Variants in SDK1 observed in about 807,000 individuals in gnomAD.
SDK1 encodes protein sidekick-1.
SDK1 carries 157 observed loss-of-function variants against 245.5 expected under a neutral mutation model. That is an observed-to-expected ratio of 0.64 (90% CI 0.56 to 0.73). SDK1 has a LOEUF of 0.73. SDK1 is among the 30% of genes least tolerant of loss of function. The pLI is 0.00. For missense variants in SDK1, 3,583 were observed against 3,002.3 expected (o/e 1.19, Z -4.52); for synonymous variants, 1,647 against 1,278.5 (o/e 1.29, Z -6.15).
chr7:3,720,826 C>G lies in SDK1; in HGVS notation c.713+78721C>G, dbSNP rs139226868. Among the ~76,000 whole-genome samples, 22 of 152,202 alleles carry G rather than the reference C, an allele frequency of 1.4e-4. No individual in the cohort carries two copies. The East Asian group carries it at 4.2e-3, about 29-fold the overall frequency. ...TTCTAGCACCATTGTTTGTAATAGC[C>G]CAAACCTAGGAAAAGTTCAAATATC... On this transcript the variant is annotated intron_variant, in intron 4 of 44. Transcript: ENST00000404826.
chr7:3,787,552 C>G (rs1190551631), intron 4 of SDK1, among the ~76,000 whole-genome samples: 2 of 152,068 alleles, frequency 1.3e-5, no homozygotes, highest in Non-Finnish European at 2.9e-5. Flanking sequence ...AAAAAAATCC[C>G]TTCTCCTCAA....
intron 4 of SDK1, among the ~76,000 whole-genome samples, chr7:3,767,423 G>T (rs538858452): frequency 6.6e-6 from 1 of 152,174 alleles, no homozygotes; most frequent in East Asian, 1.9e-4. Flanking sequence ...GGATGAGACA[G>T]TTTACAGTGT....
intron 23 of SDK1, among the ~76,000 whole-genome samples, chr7:4,112,542 A>T (rs1199878647): frequency 6.6e-6 from 1 of 152,148 alleles, no homozygotes; most frequent in African/African-American, 2.4e-5. Context: ...TGGTAGTGAC[A>T]TCCTGATATT....
At position 3,974,406 on chromosome 7, in the gene SDK1, T is replaced by C. The variant is rs766604504; in HGVS notation, c.1855T>C (p.Ser619Pro). ...GAAGGACAACGTGGCCCTGACTCCATCGAGCACGTCTAGGATCGTGGTGGA... is the reference window on the plus strand; with the variant it reads ...GAAGGACAACGTGGCCCTGACTCCACCGAGCACGTCTAGGATCGTGGTGGA... Reference protein sequence around the residue: ...WKKDNVALTPSSTSRIVVEKD... With the variant: ...WKKDNVALTPPSTSRIVVEKD... Residue 619 changes from serine (S) to proline (P), a missense_variant, in exon 13 of 45, where the codon TCG (serine) becomes CCG (proline). Transcript: ENST00000404826. 1 of 1,614,050 alleles carries C rather than the reference T, an allele frequency of 6.2e-7. No individual in the cohort carries two copies. Among genetic ancestry groups the C allele is most frequent in the Non-Finnish European group, 8.5e-7 (1 of 1,179,962 alleles).
At chr7:3,523,769 A>G (rs1783024338) in intron 1 of SDK1, among the ~76,000 whole-genome samples, 1 of 152,168 alleles carries the variant, frequency 6.6e-6, no homozygotes, top group Non-Finnish European at 1.5e-5. Flanking sequence ...TTAAGTAACA[A>G]ATATTAAGGT....
chr7:3,387,640 G>C (rs1781642034), intron 1 of SDK1, among the ~76,000 whole-genome samples: 1 of 152,132 alleles, frequency 6.6e-6, no homozygotes, highest in Admixed American at 6.5e-5. Flanking sequence ...GAGTTCTGGG[G>C]ATGTATAGTG....
At chr7:4,077,963 G>T (rs955528157) in intron 21 of SDK1, among the ~76,000 whole-genome samples, 1 of 152,164 alleles carries the variant, frequency 6.6e-6, no homozygotes, top group African/African-American at 2.4e-5. Context: ...GCACATCTGG[G>T]TGCAAGTTAC....
intron 1 of SDK1, among the ~76,000 whole-genome samples, chr7:3,518,779 G>C (rs143563278): frequency 6.6e-6 from 1 of 152,030 alleles, no homozygotes; most frequent in African/African-American, 2.4e-5. Context: ...AGCTCCTCCA[G>C]CAATCCCACT....
chr7:3,725,121 A>G lies in SDK1; in HGVS notation c.713+83016A>G, dbSNP rs936668372. Among the ~76,000 whole-genome samples the G allele has an allele frequency of 9.8e-5, 15 of 152,318 alleles. No homozygotes were observed. In the South Asian group the frequency reaches 1.2e-3, roughly 13 times the overall value. On this transcript the variant is annotated intron_variant, in intron 4 of 44. Coordinates refer to ENST00000404826, the MANE Select transcript of SDK1 (RefSeq NM_152744.4). ...ACAGAGCTGAATCCTTTTTCAGTAG[A>G]TAGAGGAAGTAACTTTCTGAATAGA...
At chr7:3,634,704 G>T (rs1460136533) in intron 2 of SDK1, among the ~76,000 whole-genome samples, 1 of 152,194 alleles carries the variant, frequency 6.6e-6, no homozygotes, top group Non-Finnish European at 1.5e-5. Context: ...CATAATTTGT[G>T]TAGGAATTCC....
At chr7:3,816,938 A>T (rs752750033) in intron 4 of SDK1, among the ~76,000 whole-genome samples, 3 of 152,218 alleles carry the variant, frequency 2.0e-5, no homozygotes, top group Admixed American at 6.5e-5. Flanking sequence ...TTGAAGGTCA[A>T]TTGAAACTAG....
chr7:3,958,831 A>G, intron 7 of SDK1, 100 bp from the exon 8 acceptor site: 3 of 938,486 alleles, frequency 3.2e-6, no homozygotes, highest in Non-Finnish European at 5.1e-6. Flanking sequence ...TGAAATTTTC[A>G]AGAATGGTTT....
intron 5 of SDK1, among the ~76,000 whole-genome samples, chr7:3,823,067 G>T (rs2115062301): frequency 6.6e-6 from 1 of 152,246 alleles, no homozygotes; most frequent in East Asian, 1.9e-4. Context: ...TGGGGTCTTT[G>T]TGATGCCATG....
Position 4,210,066 on chromosome 7 carries a change from T to C in SDK1, c.5443T>C (p.Ser1815Pro), listed in dbSNP as rs1234086525. Residue 1815 changes from serine (S) to proline (P), a missense_variant, in exon 38 of 45, where the codon TCC becomes CCC. Physicochemically the swap from Ser to Pro is moderately conservative, Grantham distance 74 (BLOSUM62 -1). Coordinates refer to ENST00000404826, the MANE Select transcript of SDK1 (RefSeq NM_152744.4). ...PSFLAFSEIT[S>P]TTLNVSWGEP... ...CTTTCTGGCGTTCTCAGAAATAACC[T>C]CCACCACGCTCAACGTGTCCTGGGG... 3.7e-6 allele frequency: 6 copies of C among 1,605,012 alleles called. No homozygotes were observed. In the African/African-American group the frequency reaches 6.7e-5, roughly 18 times the overall value.
intron 14 of SDK1, among the ~76,000 whole-genome samples, chr7:3,991,031 G>A (rs905738498): frequency 1.3e-5 from 2 of 152,232 alleles, no homozygotes; most frequent in South Asian, 2.1e-4. Context: ...CGTGATCAGT[G>A]TCCACTGCGA....
intron 1 of SDK1, among the ~76,000 whole-genome samples, chr7:3,584,128 G>C (rs778930920): frequency 6.6e-6 from 1 of 152,104 alleles, no homozygotes; most frequent in African/African-American, 2.4e-5. Flanking sequence ...ACCTATTTTG[G>C]GGTATTGTAA....
At chr7:4,113,189 C>A in intron 23 of SDK1, 100 bp from the exon 24 acceptor site, 1 of 1,282,070 alleles carries the variant, frequency 7.8e-7, no homozygotes, top group Non-Finnish European at 1.1e-6. Context: ...AGACACCTAT[C>A]TGAGCCCTCC....
Position 3,638,233 on chromosome 7 carries a change from A to G in SDK1, c.459-771A>G, listed in dbSNP as rs1024960712. ...AGTTGGGGAGACAGGTATCAGTGCG[A>G]TAATCTCAGAAATAAAGAAATACCA... On this transcript the variant is annotated intron_variant, in intron 2 of 44. Coordinates refer to ENST00000404826, the MANE Select transcript of SDK1 (RefSeq NM_152744.4). Among the ~76,000 whole-genome samples the G allele has an allele frequency of 2.6e-5, 4 of 152,200 alleles. No individual in the cohort carries two copies. The East Asian group carries it at 7.7e-4, about 29-fold the overall frequency.
chr7:4,150,145 G>A (rs538331000), intron 30 of SDK1, among the ~76,000 whole-genome samples: 1 of 152,230 alleles, frequency 6.6e-6, no homozygotes, highest in South Asian at 2.1e-4. Flanking sequence ...ACACAGATGG[G>A]CATCCCAGGG....
Sources: allele counts gnomAD v4.1 joint callset (sites outside exome capture counted in the v4.1 genomes callset), GRCh38; gene constraint gnomAD v4.1.1; transcripts MANE v1.5; gene names NCBI Gene and HGNC (gene_info 2026-07-23, HGNC 2026-07-21).